Variants in KICS2 observed in about 807,000 individuals in gnomAD.
KICS2 encodes KICSTOR subunit 2.
A neutral mutation model predicts 31.4 loss-of-function variants in KICS2; 13 were observed. The ratio of observed to expected loss-of-function variants is 0.41; its 90% CI spans 0.27 to 0.66. KICS2 has a LOEUF of 0.66. Among genes scored for constraint, KICS2 ranks in the 30% least tolerant of loss-of-function variants. The probability of loss-of-function intolerance (pLI) is 0.28; values close to 1 mark genes in which losing one functional copy is unlikely to be tolerated. For synonymous variants in KICS2, 209 were observed against 214.8 expected, an observed-to-expected ratio of 0.97 and a Z score of 0.24; for missense variants, 455 against 545.4, an observed-to-expected ratio of 0.83 and a Z score of 1.65.
chr12:64,194,536 T>C lies in KICS2; in HGVS notation c.644A>G (p.Asn215Ser). Residue 215 changes from asparagine to serine, a missense_variant, in exon 3 of 3, where the codon AAT becomes AGT. Asn to Ser is a conservative substitution (Grantham distance 46, BLOSUM62 1). Coordinates refer to ENST00000398055, the MANE Select transcript of KICS2 (RefSeq NM_152440.5). ...SEWKFLPSLV[N>S]LHSAHTKLQT... ...CAGTTTGGTGTGCGCACTGTGTAAA[T>C]TAACCAGAGATGGGAGGAACTTCCA... The C allele has an allele frequency of 1.2e-6, 2 of 1,614,108 alleles. No individual in the cohort carries two copies. The highest frequency in any genetic ancestry group is 1.7e-6 in the Non-Finnish European group (2 of 1,180,014).
At chr12:64,203,114 A>G (rs1218726788) in intron 2 of KICS2, among the ~76,000 whole-genome samples, 1 of 152,136 alleles carries the variant, frequency 6.6e-6, no homozygotes, top group African/African-American at 2.4e-5. Flanking sequence ...CTCCTCCCCA[A>G]GCGGAAGTAA....
At chr12:64,209,017 A>T (rs1439829201) in intron 2 of KICS2, among the ~76,000 whole-genome samples, 1 of 152,112 alleles carries the variant, frequency 6.6e-6, no homozygotes, top group Non-Finnish European at 1.5e-5. Flanking sequence ...TAAGTGTGTA[A>T]AAAATTCTGC....
chr12:64,205,746 G>GA (rs1565717631), intron 2 of KICS2, among the ~76,000 whole-genome samples: 2 of 38,468 alleles, frequency 5.2e-5, no homozygotes, highest in Non-Finnish European at 1.2e-4. Flanking sequence ...GGAAGGAAGG[G>GA]AGGGAGGGAA....
downstream of KICS2, chr12:64,187,769 T>C: frequency 1.3e-6 from 1 of 775,216 alleles, no homozygotes; most frequent in Non-Finnish European, 2.0e-6. Flanking sequence ...CTAGTTTTCT[T>C]ACATTTTTAC....
intron 2 of KICS2, among the ~76,000 whole-genome samples, chr12:64,203,115 G>A (rs2037506015): frequency 6.6e-6 from 1 of 152,066 alleles, no homozygotes; most frequent in African/African-American, 2.4e-5. Context: ...TCCTCCCCAA[G>A]CGGAAGTAAT....
At position 64,193,820 on chromosome 12, in the gene KICS2, A is replaced by AC. The variant is rs372517636; in HGVS notation, c.*21dup. 177 of 1,594,724 alleles carry AC rather than the reference A, an allele frequency of 1.1e-4. No individual in the cohort carries two copies. The highest frequency in any genetic ancestry group is 2.9e-4 in the Admixed American group (17 of 57,874). ...ATTAAGAACAGTTTCTAGTCTTGAA[A>AC]CCCCTCCACGCAAATCACCTGCTAA... is the stretch of plus-strand genomic sequence containing the variant. On this transcript the variant is annotated 3_prime_UTR_variant, in exon 3 of 3. Transcript: ENST00000398055.
chr12:64,210,101 C>T (rs1435466431), intron 2 of KICS2, among the ~76,000 whole-genome samples: 1 of 152,172 alleles, frequency 6.6e-6, no homozygotes, highest in African/African-American at 2.4e-5. Flanking sequence ...AAAGGAATCC[C>T]ACTGCCCAAA....
Position 64,193,687 on chromosome 12 carries a change from T to C in KICS2, c.*155A>G, listed in dbSNP as rs1011106947. ...GGAAACTTAATTCAATTGGCCTTAATTGCTTATAAAGTGTGCAACACAGGG... is the reference window on the plus strand; with the variant it reads ...GGAAACTTAATTCAATTGGCCTTAACTGCTTATAAAGTGTGCAACACAGGG... On this transcript the variant is annotated 3_prime_UTR_variant, in exon 3 of 3. Transcript: ENST00000398055. The C allele has an allele frequency of 1.4e-5, 20 of 1,429,070 alleles. No homozygotes were observed. Among genetic ancestry groups the C allele is most frequent in the African/African-American group, 1.4e-5 (1 of 69,588 alleles). 88.5% of individuals were successfully genotyped at this position (1,429,070 alleles called of 1,614,324 possible).
chr12:64,221,366 C>T (rs2037681268), intron 1 of KICS2: 1 of 152,326 alleles, frequency 6.6e-6, no homozygotes, highest in Non-Finnish European at 1.5e-5. Flanking sequence ...ATACTTATTG[C>T]TTCTACTAGT....
rs139584118 is a variant in KICS2, at chr12:64,192,713, A to G, written c.*1129T>C. ...GGTCTCCACAGCCCATTATGCCTTC[A>G]CTGATCCACCTACTTCCCATGAACA... On this transcript the variant is annotated 3_prime_UTR_variant, in exon 3 of 3. Coordinates refer to ENST00000398055, the MANE Select transcript of KICS2 (RefSeq NM_152440.5). 1.2e-3 allele frequency: 1,172 copies of G among 985,430 alleles called. 18 individuals carry two copies. In the African/African-American group the frequency reaches 0.019, roughly 16 times the overall value. 61.0% of individuals were successfully genotyped at this position (985,430 alleles called of 1,614,324 possible). A position where few individuals can be genotyped will look rare whatever the true frequency, so the allele number is the denominator to read the frequency against.
Position 64,210,440 on chromosome 12 carries a change from G to C in KICS2, c.521+5238C>G, listed in dbSNP as rs1412481596. On this transcript the variant is annotated intron_variant, in intron 2 of 2. Coordinates refer to ENST00000398055, the MANE Select transcript of KICS2 (RefSeq NM_152440.5). ...AAACTCCTAAGGCTCTGGGAAGTGG[G>C]GTGTTTCAAAGAAGGTTTAAAGATG... Among the ~76,000 whole-genome samples, 7 of 152,080 alleles carry C rather than the reference G, an allele frequency of 4.6e-5. No individual in the cohort carries two copies. The East Asian group carries it at 1.3e-3, about 29-fold the overall frequency.
At chr12:64,208,895 T>C (rs892684867) in intron 2 of KICS2, among the ~76,000 whole-genome samples, 12 of 152,144 alleles carry the variant, frequency 7.9e-5, no homozygotes, top group Non-Finnish European at 1.6e-4. Flanking sequence ...ATTATAGTTT[T>C]GATTTAGGAG....
At chr12:64,220,708 T>C (rs1040221087) in intron 1 of KICS2, among the ~76,000 whole-genome samples, 4 of 152,166 alleles carry the variant, frequency 2.6e-5, no homozygotes, top group Non-Finnish European at 5.9e-5. Flanking sequence ...ATATTATACA[T>C]AAATTATAAT....
At chr12:64,206,761 A>G (rs2037542078) in intron 2 of KICS2, among the ~76,000 whole-genome samples, 1 of 152,238 alleles carries the variant, frequency 6.6e-6, no homozygotes. Flanking sequence ...TCTCAAGGAC[A>G]TTATGGTAAC....
intron 2 of KICS2, among the ~76,000 whole-genome samples, chr12:64,195,124 G>T (rs2037421635): frequency 2.0e-5 from 3 of 152,066 alleles, no homozygotes; most frequent in Admixed American, 2.0e-4. Context: ...GTCTCCCTAT[G>T]TTGCCCAGGC....
downstream of KICS2, among the ~76,000 whole-genome samples, chr12:64,188,807 T>TC (rs367689521): frequency 5.8e-4 from 88 of 152,062 alleles, no homozygotes; most frequent in East Asian, 0.016. Context: ...CTTTTAAAAC[T>TC]CCCCATTGTC....
chr12:64,211,672 T>C (rs902010590), intron 2 of KICS2, among the ~76,000 whole-genome samples: 6 of 151,912 alleles, frequency 3.9e-5, no homozygotes, highest in African/African-American at 1.5e-4. Flanking sequence ...GGGAACTAAG[T>C]GGCTAAGAGG....
intron 1 of KICS2, among the ~76,000 whole-genome samples, chr12:64,216,429 T>A (rs1420666287): frequency 6.6e-6 from 1 of 152,204 alleles, no homozygotes; most frequent in Non-Finnish European, 1.5e-5. Flanking sequence ...CTATTTTTAT[T>A]CCTGCTGTGT....
chr12:64,208,741 T>A (rs2037560802), intron 2 of KICS2, among the ~76,000 whole-genome samples: 1 of 152,206 alleles, frequency 6.6e-6, no homozygotes, highest in South Asian at 2.1e-4. Flanking sequence ...TTTTTAATGT[T>A]ATTTAAATTC....
Sources: gnomAD v4.1 joint callset for allele counts (sites outside exome capture counted in the v4.1 genomes callset) on GRCh38, gnomAD v4.1.1 for gene constraint, MANE v1.5 for transcripts, NCBI Gene and HGNC (gene_info 2026-07-23, HGNC 2026-07-21) for gene names.